PACRG: variants seen among roughly 807,000 people sequenced by gnomAD.
PACRG encodes parkin coregulated gene protein.
PACRG carries 29 observed loss-of-function variants against 29.7 expected under a neutral mutation model. The observed-to-expected ratio is 0.98, with a 90% CI of 0.73 to 1.33. The LOEUF is 1.33. Among genes scored for constraint, PACRG ranks in the 40% most tolerant of loss-of-function variants. The pLI, the probability that PACRG is intolerant of heterozygous loss-of-function variation, is 0.00. For synonymous variants in PACRG, 116 were observed against 118.7 expected, an observed-to-expected ratio of 0.98 and a Z score of 0.15; for missense variants, 279 against 316.2, an observed-to-expected ratio of 0.88 and a Z score of 0.89.
intron 2 of PACRG, among the ~76,000 whole-genome samples, chr6:163,037,695 C>CA (rs1808333318): frequency 6.6e-6 from 1 of 152,232 alleles, no homozygotes; most frequent in African/African-American, 2.4e-5. Context: ...GGATTTCCCT[C>CA]AGTCGTCTCC....
At chr6:163,137,830 G>T (rs1019100935) in intron 4 of PACRG, among the ~76,000 whole-genome samples, 1 of 152,216 alleles carries the variant, frequency 6.6e-6, no homozygotes, top group Admixed American at 6.5e-5. Context: ...CCGGCCTGGC[G>T]CCACCGCGCA....
intron 1 of PACRG, among the ~76,000 whole-genome samples, chr6:162,740,149 A>G (rs947053067): frequency 2.6e-5 from 4 of 152,014 alleles, no homozygotes; most frequent in African/African-American, 9.7e-5. Flanking sequence ...CAAATTTTGT[A>G]TTTAGCGAGA....
rs1562350477 is a variant in PACRG at position 163,269,980 on chromosome 6, AAAGAAAGAAAGAAAGAAAGAAAGAAAGG to A, written c.614-44845_614-44818del. Among the ~76,000 whole-genome samples, 77 of 112,636 alleles carry A rather than the reference AAAGAAAGAAAGAAAGAAAGAAAGAAAGG, an allele frequency of 6.8e-4. 10 individuals are homozygous for A. The highest frequency in any genetic ancestry group is 2.4e-3 in the African/African-American group (71 of 29,832). 73.9% of individuals were successfully genotyped at this position (112,636 alleles called of 152,430 possible). A position where few individuals can be genotyped will look rare whatever the true frequency, so the allele number is the denominator to read the frequency against. On this transcript the variant is annotated intron_variant, in intron 4 of 4. Transcript: ENST00000366888. The stretch of plus-strand genomic sequence containing the variant: ...GAAAGAAAGAAAGAAAGAAAGAAAG[AAAGAAAGAAAGAAAGAAAGAAAGAAAGG>A]AGGGAGGGAGGGAGGGAGGAAGGAA...
intron 4 of PACRG, among the ~76,000 whole-genome samples, chr6:163,285,886 C>G (rs570587000): frequency 6.6e-6 from 1 of 152,196 alleles, no homozygotes; most frequent in African/African-American, 2.4e-5. Context: ...CTGAAAGGAG[C>G]CTCACTGTTC....
At chr6:162,759,640 C>G (rs1035429296) in intron 1 of PACRG, among the ~76,000 whole-genome samples, 1 of 152,054 alleles carries the variant, frequency 6.6e-6, no homozygotes, top group East Asian at 1.9e-4. Flanking sequence ...TCTGAATATA[C>G]TTTGGGGTAC....
intron 4 of PACRG, among the ~76,000 whole-genome samples, chr6:163,187,453 A>G (rs1445655880): frequency 6.6e-6 from 1 of 152,046 alleles, no homozygotes. Flanking sequence ...CTCTCAACTG[A>G]GAGCCCGCGC....
At chr6:163,226,934 T>A (rs1264548043) in intron 4 of PACRG, among the ~76,000 whole-genome samples, 1 of 152,218 alleles carries the variant, frequency 6.6e-6, no homozygotes, top group Admixed American at 6.5e-5. Context: ...ATAAGTGTGA[T>A]GAGTAGGATT....
intron 2 of PACRG, among the ~76,000 whole-genome samples, chr6:162,926,298 A>T (rs1189124034): frequency 6.6e-6 from 1 of 152,184 alleles, no homozygotes; most frequent in African/African-American, 2.4e-5. Flanking sequence ...GTATTAGAAA[A>T]AAAACTACTT....
chr6:163,082,432 A>G (rs1813168234), intron 3 of PACRG, among the ~76,000 whole-genome samples: 1 of 152,218 alleles, frequency 6.6e-6, no homozygotes, highest in Non-Finnish European at 1.5e-5. Flanking sequence ...ATATTGAGAA[A>G]GAACAATGAG....
chr6:163,020,625 C>T (rs1372347877), intron 2 of PACRG, among the ~76,000 whole-genome samples: 4 of 152,122 alleles, frequency 2.6e-5, no homozygotes, highest in Non-Finnish European at 5.9e-5. Flanking sequence ...TTCCCTGCGA[C>T]GACACACAGC....
At chr6:162,727,604 C>A, upstream of PACRG, 2 of 1,539,572 alleles carry the variant, frequency 1.3e-6, no homozygotes, top group Non-Finnish European at 8.8e-7. Flanking sequence ...CGGGGCGTGG[C>A]GCCATACCGG....
intron 4 of PACRG, among the ~76,000 whole-genome samples, chr6:163,127,174 C>G (rs1816550349): frequency 6.6e-6 from 1 of 152,196 alleles, no homozygotes; most frequent in African/African-American, 2.4e-5. Flanking sequence ...GGCGTCATTT[C>G]CAGAGCTCTG....
rs1285074217 is a variant in PACRG, at chr6:162,777,400, CA to C, written c.157-36746del. ...ATTGATAACATCCCTCAGACACTGC[CA>C]TTTCCAACATTTTCATTCCGGATTT... is the stretch of plus-strand genomic sequence containing the variant. On this transcript the variant is annotated intron_variant, in intron 1 of 4. Transcript: ENST00000366888. This position sits in a 1 kb window ranked among gnomAD's most constrained non-coding sequence, Gnocchi z 4.0. 1.3e-5 allele frequency among the ~76,000 whole-genome samples: 2 copies of C among 152,174 alleles called. No individual in the cohort carries two copies. The highest frequency in any genetic ancestry group is 4.8e-5 in the African/African-American group (2 of 41,442).
At chr6:162,907,442 A>G (rs966025585) in intron 2 of PACRG, among the ~76,000 whole-genome samples, 2 of 152,118 alleles carry the variant, frequency 1.3e-5, no homozygotes, top group African/African-American at 4.8e-5. Context: ...AATTCCTAGG[A>G]TCATTTGAAA....
chr6:163,033,841 T>G (rs1244277656), intron 2 of PACRG, among the ~76,000 whole-genome samples: 1 of 152,134 alleles, frequency 6.6e-6, no homozygotes, highest in East Asian at 1.9e-4. Context: ...GTAGCAAAGT[T>G]TAGAACTGAC....
intron 2 of PACRG, among the ~76,000 whole-genome samples, chr6:162,954,173 G>T (rs544105831): frequency 3.3e-5 from 5 of 152,294 alleles, no homozygotes; most frequent in Admixed American, 3.3e-4. Flanking sequence ...TTCAGAGACT[G>T]ATGAAATGTT....
At chr6:163,128,348 TTAGGAAA>T (rs1241419080) in intron 4 of PACRG, among the ~76,000 whole-genome samples, 42 of 152,298 alleles carry the variant, frequency 2.8e-4, no homozygotes, top group Non-Finnish European at 4.6e-4. Context: ...ACTAAGTATA[TTAGGAAA>T]CGAAATACAA....
intron 4 of PACRG, among the ~76,000 whole-genome samples, chr6:163,212,444 G>A (rs754283396): frequency 3.3e-5 from 5 of 152,078 alleles, no homozygotes; most frequent in Non-Finnish European, 7.4e-5. Flanking sequence ...AACTAAGGCA[G>A]GAAAAGTCCA....
At chr6:163,016,554 C>A (rs1377522795) in intron 2 of PACRG, among the ~76,000 whole-genome samples, 4 of 151,604 alleles carry the variant, frequency 2.6e-5, no homozygotes, top group African/African-American at 9.7e-5. Context: ...TTTTGTATAA[C>A]CCTTGAAAAA....
Sources: allele counts gnomAD v4.1 joint callset (sites outside exome capture counted in the v4.1 genomes callset), GRCh38; gene constraint gnomAD v4.1.1; non-coding constraint Gnocchi (gnomAD v3.1); transcripts MANE v1.5; gene names NCBI Gene and HGNC (gene_info 2026-07-23, HGNC 2026-07-21).